MYRIP: variants seen among roughly 807,000 people sequenced by gnomAD.
MYRIP encodes rab effector MyRIP.
A neutral mutation model predicts 98.0 loss-of-function variants in MYRIP; 49 were observed. That is an observed-to-expected ratio of 0.50 (90% CI 0.40 to 0.63). The LOEUF is 0.63. MYRIP is among the 30% of genes least tolerant of loss of function. The pLI is 0.00. For synonymous variants in MYRIP, 404 were observed against 409.5 expected (o/e 0.99, Z 0.16); for missense variants, 1,004 against 1,058.2 (o/e 0.95, Z 0.71).
chr3:40,201,754 G>T (rs1951566218), intron 10 of MYRIP, among the ~76,000 whole-genome samples: 1 of 152,156 alleles, frequency 6.6e-6, no homozygotes. Context: ...CAAGGGTTTG[G>T]TGTATATTTG....
At chr3:39,833,417 T>C (rs1473639451) in intron 1 of MYRIP, among the ~76,000 whole-genome samples, 3 of 152,182 alleles carry the variant, frequency 2.0e-5, no homozygotes, top group African/African-American at 7.2e-5. Flanking sequence ...GAGGTGGTTC[T>C]CCTTTGACAA....
chr3:40,183,376 C>T (rs1243663239), intron 9 of MYRIP, among the ~76,000 whole-genome samples: 3 of 152,200 alleles, frequency 2.0e-5, no homozygotes, highest in Non-Finnish European at 2.9e-5. Flanking sequence ...TGTCCTGCCT[C>T]TACATGGGGC....
chr3:40,106,971 T>C (rs942134587), intron 3 of MYRIP, among the ~76,000 whole-genome samples: 2 of 152,226 alleles, frequency 1.3e-5, no homozygotes, highest in Non-Finnish European at 2.9e-5. Context: ...TTTTATTATT[T>C]TTCAAGCATC....
chr3:39,874,248 A>G (rs926483782), intron 1 of MYRIP, among the ~76,000 whole-genome samples: 5 of 152,108 alleles, frequency 3.3e-5, no homozygotes, highest in African/African-American at 9.7e-5. Context: ...GGGCTGAGAC[A>G]ATGGGGTTTT....
At chr3:39,830,986 T>C (rs1051327513) in intron 1 of MYRIP, among the ~76,000 whole-genome samples, 2 of 152,194 alleles carry the variant, frequency 1.3e-5, no homozygotes, top group African/African-American at 4.8e-5. Context: ...TGTTATGGAA[T>C]ACAATGTCAA....
intron 11 of MYRIP, among the ~76,000 whole-genome samples, chr3:40,214,264 C>G (rs1165091050): frequency 6.6e-6 from 1 of 152,174 alleles, no homozygotes; most frequent in African/African-American, 2.4e-5. Context: ...AGGAGGCTTG[C>G]CTCACACAGA....
intron 10 of MYRIP, chr3:40,209,294 AC>A (rs1269702058): frequency 1.3e-5 from 2 of 152,630 alleles, no homozygotes; most frequent in Non-Finnish European, 2.9e-5. Flanking sequence ...ACACAATGAG[AC>A]CCTGTCTCTA....
At chr3:40,075,319 C>G (rs904354493) in intron 3 of MYRIP, among the ~76,000 whole-genome samples, 2 of 152,156 alleles carry the variant, frequency 1.3e-5, no homozygotes, top group Non-Finnish European at 2.9e-5. Context: ...AGCATTGTTT[C>G]TAATGCCTAA....
chr3:39,880,751 A>C (rs942756442), intron 1 of MYRIP, among the ~76,000 whole-genome samples: 1 of 152,212 alleles, frequency 6.6e-6, no homozygotes, highest in East Asian at 1.9e-4. Context: ...AATGCAATAA[A>C]TGGTAGCACA....
rs896678905 is a variant in MYRIP, at chr3:39,916,410, A to C, written c.110+15484A>C. ...AGCTTATCCTTTTATATTGAGAACA[A>C]AAAAAAAAAAATCACACCAAAGATA... On this transcript the variant is annotated intron_variant, in intron 2 of 16. Coordinates refer to ENST00000302541, the MANE Select transcript of MYRIP (RefSeq NM_015460.4). Among the ~76,000 whole-genome samples, 226 of 84,006 alleles carry C rather than the reference A, an allele frequency of 2.7e-3. 1 individual carries two copies. Among genetic ancestry groups the C allele is most frequent in the African/African-American group, 0.012 (210 of 18,028 alleles). 55.1% of individuals were successfully genotyped at this position (84,006 alleles called of 152,430 possible).
At chr3:39,841,626 G>T (rs117930072) in intron 1 of MYRIP, among the ~76,000 whole-genome samples, 1 of 152,024 alleles carries the variant, frequency 6.6e-6, no homozygotes, top group Non-Finnish European at 1.5e-5. Context: ...GGTGACCTTC[G>T]GATGGGGTTT....
In MYRIP at chr3:40,259,111, A is replaced by T. The variant is rs1953691328; in HGVS notation, c.*945A>T. ...CCAATAAATATTCAGCAAAGTAGTA[A>T]AATGACCTTAAAGATAAAAATGATT... On this transcript the variant is annotated 3_prime_UTR_variant, in exon 17 of 17. Transcript: ENST00000302541. The T allele has an allele frequency of 6.6e-6, 1 of 152,228 alleles. No homozygotes were observed. The highest frequency in any genetic ancestry group is 2.4e-5 in the African/African-American group (1 of 41,458). 9.4% of individuals were successfully genotyped at this position (152,228 alleles called of 1,614,324 possible).
At chr3:40,213,663 C>A (rs980500953) in intron 11 of MYRIP, among the ~76,000 whole-genome samples, 1 of 127,428 alleles carries the variant, frequency 7.8e-6, no homozygotes, top group African/African-American at 2.9e-5. Flanking sequence ...AGTAGATCTA[C>A]GGTAATGTGA....
intron 1 of MYRIP, among the ~76,000 whole-genome samples, chr3:39,877,123 G>T (rs1943021515): frequency 6.6e-6 from 1 of 152,078 alleles, no homozygotes; most frequent in African/African-American, 2.4e-5. Flanking sequence ...CTTTCTTCCA[G>T]TTGATCGCAT....
rs146985017 is a variant in MYRIP, at chr3:39,840,109, T to G, written c.-31+30193T>G. On this transcript the variant is annotated intron_variant, in intron 1 of 16. Coordinates refer to ENST00000302541, the MANE Select transcript of MYRIP (RefSeq NM_015460.4). Reference sequence around the variant, plus strand: ...CACTATTATTGTGTGGTAGTCTAAGTCTTTTTGTAGGTCTCTAAGAAGTTG... The same window carrying G: ...CACTATTATTGTGTGGTAGTCTAAGGCTTTTTGTAGGTCTCTAAGAAGTTG... 2.4e-3 allele frequency among the ~76,000 whole-genome samples: 364 copies of G among 152,286 alleles called. 1 individual carries two copies. Among genetic ancestry groups the G allele is most frequent in the African/African-American group, 8.4e-3 (349 of 41,562 alleles).
At position 39,954,753 on chromosome 3, in the gene MYRIP, C is replaced by G. The variant is rs139909296; in HGVS notation, c.110+53827C>G. Among the ~76,000 whole-genome samples the G allele has an allele frequency of 6.6e-5, 10 of 152,118 alleles. No individual in the cohort carries two copies. The South Asian group carries it at 2.1e-3, about 32-fold the overall frequency. ...GCTGAAGGAGGATGTTCAAACCCAT[C>G]GCAAAGAAGCTAAAAACCTTGAAAA... On this transcript the variant is annotated intron_variant, in intron 2 of 16. Transcript: ENST00000302541.
At chr3:40,171,305 T>C (rs930374538) in intron 8 of MYRIP, among the ~76,000 whole-genome samples, 1 of 151,832 alleles carries the variant, frequency 6.6e-6, no homozygotes, top group African/African-American at 2.4e-5. Context: ...AGAATAGAAA[T>C]GGATTTGGAA....
chr3:39,883,207 G>A (rs1943199381), intron 1 of MYRIP, among the ~76,000 whole-genome samples: 2 of 152,098 alleles, frequency 1.3e-5, no homozygotes, highest in Admixed American at 6.6e-5. Flanking sequence ...CCCTCACTTT[G>A]GGTTGAAATC....
intron 16 of MYRIP, among the ~76,000 whole-genome samples, chr3:40,256,477 T>C (rs968488104): frequency 1.3e-5 from 2 of 151,910 alleles, no homozygotes; most frequent in African/African-American, 4.8e-5. Context: ...AAACATTTAA[T>C]TAAGACCAGA....
Sources: allele counts gnomAD v4.1 joint callset (sites outside exome capture counted in the v4.1 genomes callset), GRCh38; gene constraint gnomAD v4.1.1; transcripts MANE v1.5; gene names NCBI Gene and HGNC (gene_info 2026-07-23, HGNC 2026-07-21).